The following NR2C2 variants were observed in gnomAD, a reference collection of about 807,000 sequenced individuals.
NR2C2 encodes nuclear receptor subfamily 2 group C member 2, also known as Nuclear hormone receptor TR4.
Under a neutral mutation model 62.9 loss-of-function variants are expected in NR2C2, and 6 were observed. The observed-to-expected ratio is 0.10, with a 90% CI of 0.05 to 0.19. The LOEUF (loss-of-function observed/expected upper bound fraction) is 0.19. Ranked by LOEUF, NR2C2 falls within the 10% of genes least tolerant of loss-of-function variation. NR2C2 has a pLI of 1.00. For synonymous variants in NR2C2, 272 were observed against 273.8 expected (o/e 0.99, Z 0.07); for missense variants, 479 against 762.7 (o/e 0.63, Z 4.38).
chr3:14,991,142 A>G (rs1387382171), intron 1 of NR2C2, among the ~76,000 whole-genome samples: 1 of 152,232 alleles, frequency 6.6e-6, no homozygotes, highest in Non-Finnish European at 1.5e-5. Flanking sequence ...GTAAAATTCA[A>G]AACTGGCTAA....
chr3:15,007,730 G>A (rs1004572865), intron 2 of NR2C2, among the ~76,000 whole-genome samples: 43 of 152,186 alleles, frequency 2.8e-4, no homozygotes, highest in Non-Finnish European at 1.5e-5. Context: ...TTGATAAGAT[G>A]AAAGGGATAA....
At chr3:14,959,502 A>T (rs2039630471) in intron 1 of NR2C2, 1 of 151,992 alleles carries the variant, frequency 6.6e-6, no homozygotes, top group South Asian at 2.1e-4. Context: ...TCTCACTCTT[A>T]GTCTCATTTT....
intron 3 of NR2C2, among the ~76,000 whole-genome samples, chr3:15,014,675 A>G (rs916997272): frequency 1.3e-5 from 2 of 151,952 alleles, no homozygotes; most frequent in African/African-American, 2.4e-5. Context: ...GCCCCTGGTG[A>G]CCACCATTCT....
At chr3:15,024,460 A>G (rs1262306759) in intron 7 of NR2C2, among the ~76,000 whole-genome samples, 8 of 152,208 alleles carry the variant, frequency 5.3e-5, no homozygotes, top group African/African-American at 1.2e-4. Flanking sequence ...GTGGACATTC[A>G]GTGGTTCTCT....
rs576035230 is a variant in NR2C2 at position 15,042,729 on chromosome 3, T to C, written c.1617-105T>C. On this transcript the variant is annotated intron_variant, in intron 13 of 13. Transcript: ENST00000425241. ...AGAGGTGGGTGGATGGTGGATCCGT[T>C]TGGTTTGATTCTGTGCAATACAGAC... The C allele has an allele frequency of 7.5e-6, 7 of 937,664 alleles. No homozygotes were observed. The East Asian group carries it at 1.7e-4, about 23-fold the overall frequency. The allele number at this position is 937,664 out of a possible 1,614,324, so 58.1% of individuals were successfully genotyped here.
chr3:14,992,021 C>T (rs2040686922), intron 1 of NR2C2, among the ~76,000 whole-genome samples: 1 of 152,054 alleles, frequency 6.6e-6, no homozygotes, highest in Non-Finnish European at 1.5e-5. Context: ...ATCTTCCTAC[C>T]TCGCCCTCCC....
intron 13 of NR2C2, among the ~76,000 whole-genome samples, chr3:15,040,959 G>A (rs79141383): frequency 0.011 from 1,656 of 152,254 alleles, 26 homozygotes; most frequent in African/African-American, 0.037. Context: ...CAGCACACTC[G>A]AGAATCACTT....
intron 5 of NR2C2, among the ~76,000 whole-genome samples, chr3:15,021,746 A>C (rs1007712178): frequency 3.3e-5 from 5 of 152,252 alleles, no homozygotes; most frequent in Admixed American, 2.6e-4. Context: ...AGTATGCTGC[A>C]TGGTTCTGTC....
chr3:15,014,611 C>T (rs2041452806), intron 3 of NR2C2, among the ~76,000 whole-genome samples: 1 of 152,030 alleles, frequency 6.6e-6, no homozygotes, highest in Non-Finnish European at 1.5e-5. Context: ...TTTCCTCTTC[C>T]TAAGCTGAAA....
rs142727328 is a variant in NR2C2, at chr3:14,972,843, G to A, written c.-40+24937G>A. ...GGCAGGACCAAGAGAGTGGGGGGAG[G>A]TGCTACACACTTTTAAACAACCAGA... is the stretch of plus-strand genomic sequence containing the variant. On this transcript the variant is annotated intron_variant, in intron 1 of 13. Coordinates refer to ENST00000425241, the MANE Select transcript of NR2C2 (RefSeq NM_001291694.2). 4.7e-4 allele frequency among the ~76,000 whole-genome samples: 71 copies of A among 152,142 alleles called. 1 individual carries two copies. In the East Asian group the frequency reaches 0.012, roughly 25 times the overall value.
At chr3:15,014,392 A>C (rs114617270) in intron 3 of NR2C2, among the ~76,000 whole-genome samples, 2,760 of 152,190 alleles carry the variant, frequency 0.018, 36 homozygotes, top group Middle Eastern at 0.048. Flanking sequence ...TCCAAACCCA[A>C]CAATTAGAGA....
At chr3:14,995,670 T>C (rs542829084) in intron 1 of NR2C2, among the ~76,000 whole-genome samples, 1 of 148,154 alleles carries the variant, frequency 6.7e-6, no homozygotes, top group Admixed American at 6.7e-5. Context: ...TTTCATTACG[T>C]GTGTGTGTGT....
At position 14,947,809 on chromosome 3, in the gene NR2C2, C is replaced by T. The variant is rs1197199345; in HGVS notation, c.-137C>T. On this transcript the variant is annotated 5_prime_UTR_variant, in exon 1 of 14. Coordinates refer to ENST00000425241, the MANE Select transcript of NR2C2 (RefSeq NM_001291694.2). ...CCGGGCTCCCGCCATCCGCCGACAC[C>T]GGGAGCCCGGGCTCCCCGCGCCCTG... 6.7e-6 allele frequency: 1 copy of T among 149,578 alleles called. No individual in the cohort carries two copies. Among genetic ancestry groups the T allele is most frequent in the African/African-American group, 2.4e-5 (1 of 41,002 alleles). 9.3% of individuals were successfully genotyped at this position (149,578 alleles called of 1,614,324 possible). A position where few individuals can be genotyped will look rare whatever the true frequency, so the allele number is the denominator to read the frequency against.
At chr3:15,032,245 T>C (rs995275947) in intron 9 of NR2C2, 134 bp from the exon 10 acceptor site, 3 of 1,225,178 alleles carry the variant, frequency 2.4e-6, no homozygotes, top group Non-Finnish European at 3.5e-6. Context: ...GCCCCCCGAC[T>C]GCATGGGACT....
Position 15,032,311 on chromosome 3 carries a change from A to T in NR2C2, c.1111-68A>T, listed in dbSNP as rs956515386. 1.9e-6 allele frequency: 3 copies of T among 1,606,086 alleles called. No homozygotes were observed. In the Admixed American group the frequency reaches 5.0e-5, roughly 27 times the overall value. ...TGCTATTGAAGCATGACAGGGATAC[A>T]TGTTGACAGACAAAGCCATCCCCTG... On this transcript the variant is annotated intron_variant, in intron 9 of 13. Transcript: ENST00000425241.
chr3:14,975,408 C>A (rs140642555), intron 1 of NR2C2, among the ~76,000 whole-genome samples: 1 of 152,098 alleles, frequency 6.6e-6, no homozygotes, highest in Non-Finnish European at 1.5e-5. Context: ...TATTTTGTTA[C>A]GTGTTTTAAT....
chr3:14,956,067 A>G (rs1032262039), intron 1 of NR2C2, among the ~76,000 whole-genome samples: 13 of 152,172 alleles, frequency 8.5e-5, no homozygotes, highest in African/African-American at 3.1e-4. Flanking sequence ...CCTGACCCTA[A>G]AGCTAAGTAA....
chr3:15,043,166 A>G lies in NR2C2; in HGVS notation c.*158A>G. On this transcript the variant is annotated 3_prime_UTR_variant, in exon 14 of 14. Coordinates refer to ENST00000425241, the MANE Select transcript of NR2C2 (RefSeq NM_001291694.2). ...TGTTAATCCCAGACAATAGCAATTAAAAGACTAGTAGGATCCTTTCCTGAC... is the reference window on the plus strand; with the variant it reads ...TGTTAATCCCAGACAATAGCAATTAGAAGACTAGTAGGATCCTTTCCTGAC... 2 of 535,426 alleles carry G rather than the reference A, an allele frequency of 3.7e-6. No individual in the cohort carries two copies. The highest frequency in any genetic ancestry group is 6.0e-6 in the Non-Finnish European group (2 of 331,162). The allele number at this position is 535,426 out of a possible 1,614,324, so 33.2% of individuals were successfully genotyped here.
intron 1 of NR2C2, among the ~76,000 whole-genome samples, chr3:14,960,587 C>G (rs2125244628): frequency 6.6e-6 from 1 of 152,298 alleles, no homozygotes; most frequent in Middle Eastern, 3.4e-3. Flanking sequence ...TACTCTGTTT[C>G]TATACTATTC....
Sources: allele counts gnomAD v4.1 joint callset (sites outside exome capture counted in the v4.1 genomes callset), GRCh38; gene constraint gnomAD v4.1.1; transcripts MANE v1.5; gene names NCBI Gene and HGNC (gene_info 2026-07-23, HGNC 2026-07-21).